MGAT4C: variants seen among roughly 807,000 people sequenced by gnomAD.
MGAT4C encodes the protein alpha-1,3-mannosyl-glycoprotein 4-beta-N-acetylglucosaminyltransferase C.
A neutral mutation model predicts 40.1 loss-of-function variants in MGAT4C; 19 were observed. The observed-to-expected ratio is 0.47, with a 90% CI of 0.33 to 0.70. The LOEUF is 0.70. Among genes scored for constraint, MGAT4C ranks in the 30% least tolerant of loss-of-function variants. MGAT4C has a pLI of 0.02. For synonymous variants in MGAT4C, 181 were observed against 187.1 expected (o/e 0.97, Z 0.27); for missense variants, 491 against 563.2 (o/e 0.87, Z 1.30).
chr12:86,805,519 C>T (rs1952335607), intron 1 of MGAT4C, among the ~76,000 whole-genome samples: 1 of 152,002 alleles, frequency 6.6e-6, no homozygotes, highest in Non-Finnish European at 1.5e-5. Flanking sequence ...TCTCCAGCAT[C>T]ATTCATGTTG....
At chr12:86,123,058 T>G (rs1879676608) in intron 1 of MGAT4C, among the ~76,000 whole-genome samples, 1 of 152,148 alleles carries the variant, frequency 6.6e-6, no homozygotes, top group African/African-American at 2.4e-5. Context: ...TACAAATATT[T>G]AATGAACTTC....
At chr12:86,257,945 T>C (rs189452200), upstream of MGAT4C, among the ~76,000 whole-genome samples, 4 of 152,042 alleles carry the variant, frequency 2.6e-5, no homozygotes, top group African/African-American at 9.6e-5. Flanking sequence ...ATAATAATAA[T>C]AAAGATATGG....
At chr12:86,767,507 C>A (rs1951535632) in intron 1 of MGAT4C, among the ~76,000 whole-genome samples, 1 of 152,174 alleles carries the variant, frequency 6.6e-6, no homozygotes, top group Admixed American at 6.5e-5. Context: ...TCCTCCCTAA[C>A]TCATTTTATG....
At chr12:86,482,128 G>A (rs1044231135) in intron 2 of MGAT4C, among the ~76,000 whole-genome samples, 17 of 146,478 alleles carry the variant, frequency 1.2e-4, no homozygotes, top group African/African-American at 4.3e-4. Context: ...TCAAAGAACA[G>A]AATAAATTGA....
intron 4 of MGAT4C, among the ~76,000 whole-genome samples, chr12:86,274,552 C>T (rs1953023024): frequency 6.6e-6 from 1 of 151,998 alleles, no homozygotes; most frequent in African/African-American, 2.4e-5. Context: ...ATTTGGCTAC[C>T]GAGTTTTTGC....
At chr12:86,314,413 C>A (rs905717701) in intron 4 of MGAT4C, among the ~76,000 whole-genome samples, 1 of 152,154 alleles carries the variant, frequency 6.6e-6, no homozygotes, top group African/African-American at 2.4e-5. Context: ...TCTGAACACT[C>A]CTATTCAACA....
intron 1 of MGAT4C, among the ~76,000 whole-genome samples, chr12:86,138,620 A>C (rs182348225): frequency 1.4e-5 from 2 of 147,472 alleles, no homozygotes; most frequent in African/African-American, 2.5e-5. Context: ...GATATATCAT[A>C]TATATATTTC....
At chr12:86,575,726 C>T (rs541847009) in intron 2 of MGAT4C, among the ~76,000 whole-genome samples, 2 of 151,936 alleles carry the variant, frequency 1.3e-5, no homozygotes, top group South Asian at 4.2e-4. Context: ...ATATACCCAG[C>T]AGTGGGATTG....
intron 1 of MGAT4C, among the ~76,000 whole-genome samples, chr12:86,768,291 T>C (rs968801118): frequency 1.7e-4 from 26 of 152,112 alleles, no homozygotes; most frequent in Non-Finnish European, 2.6e-4. Context: ...AATAAAATAC[T>C]TAGGAATCCA....
intron 2 of MGAT4C, among the ~76,000 whole-genome samples, chr12:86,441,463 C>T (rs946374315): frequency 5.3e-5 from 8 of 151,456 alleles, no homozygotes; most frequent in African/African-American, 1.9e-4. Flanking sequence ...TCATCATTAA[C>T]ATTGAGTACA....
chr12:86,394,616 T>TTA (rs71076194), intron 3 of MGAT4C, among the ~76,000 whole-genome samples: 44,826 of 135,218 alleles, frequency 0.33, 8,084 homozygotes, highest in Non-Finnish European at 0.41. Flanking sequence ...TATATATACT[T>TTA]TATATATATA....
intron 2 of MGAT4C, among the ~76,000 whole-genome samples, chr12:86,630,791 G>A (rs1360777483): frequency 6.6e-6 from 1 of 152,082 alleles, no homozygotes; most frequent in Non-Finnish European, 1.5e-5. Context: ...CCCACAGCCA[G>A]TATCATACTG....
intron 1 of MGAT4C, among the ~76,000 whole-genome samples, chr12:86,130,751 T>C (rs1231744679): frequency 6.6e-6 from 1 of 152,062 alleles, no homozygotes; most frequent in East Asian, 1.9e-4. Context: ...ATTCAATATT[T>C]ATTTTAAATT....
intron 1 of MGAT4C, among the ~76,000 whole-genome samples, chr12:86,191,016 T>C (rs2135899899): frequency 6.6e-6 from 1 of 151,420 alleles, no homozygotes. Context: ...CTGGCCCGCC[T>C]CACAAATGTT....
At chr12:86,640,667 C>T (rs1963354202) in intron 2 of MGAT4C, among the ~76,000 whole-genome samples, 1 of 151,874 alleles carries the variant, frequency 6.6e-6, no homozygotes. Context: ...TTTGCTCTTG[C>T]TTTTCTAGTT....
chr12:85,997,106 C>A (rs1886716264), intron 2 of MGAT4C, among the ~76,000 whole-genome samples: 2 of 152,184 alleles, frequency 1.3e-5, no homozygotes, highest in Non-Finnish European at 2.9e-5. Flanking sequence ...GCCTCACAAT[C>A]ATGGTGGAAG....
chr12:86,240,032 A>AAT (rs1555255375), intron 1 of MGAT4C, among the ~76,000 whole-genome samples: 13 of 142,016 alleles, frequency 9.2e-5, no homozygotes, highest in African/African-American at 3.1e-4. Flanking sequence ...ATAATAAAAA[A>AAT]AAAAAATAAA....
chr12:86,207,045 C>T (rs896009880), intron 1 of MGAT4C, among the ~76,000 whole-genome samples: 2 of 150,060 alleles, frequency 1.3e-5, no homozygotes, highest in African/African-American at 2.4e-5. Context: ...AAAATCTTTA[C>T]AGTTATAGAA....
intron 1 of MGAT4C, among the ~76,000 whole-genome samples, chr12:86,078,762 G>A (rs1334916349): frequency 6.6e-6 from 1 of 152,162 alleles, no homozygotes; most frequent in African/African-American, 2.4e-5. Context: ...ATCGGGCGAT[G>A]ACAGGGGTGG....
Sources: allele counts gnomAD v4.1 joint callset (sites outside exome capture counted in the v4.1 genomes callset), GRCh38; gene constraint gnomAD v4.1.1; transcripts MANE v1.5; gene names NCBI Gene and HGNC (gene_info 2026-07-23, HGNC 2026-07-21).